ATF6: variants seen among roughly 807,000 people sequenced by gnomAD.
ATF6 encodes the protein cyclic AMP-dependent transcription factor ATF-6 alpha.
ATF6 carries 53 observed loss-of-function variants against 83.6 expected under a neutral mutation model. The observed-to-expected ratio is 0.63, with a 90% CI of 0.51 to 0.80. The LOEUF is 0.80. ATF6 is among the 30% of genes least tolerant of loss of function. The pLI, the probability that ATF6 is intolerant of heterozygous loss-of-function variation, is 0.00. For synonymous variants in ATF6, 288 were observed against 285.8 expected, an observed-to-expected ratio of 1.01 and a Z score of -0.08; for missense variants, 744 against 797.9, an observed-to-expected ratio of 0.93 and a Z score of 0.81.
intron 15 of ATF6, among the ~76,000 whole-genome samples, chr1:161,957,551 T>G (rs1274964908): frequency 6.6e-6 from 1 of 152,168 alleles, no homozygotes; most frequent in Non-Finnish European, 1.5e-5. Flanking sequence ...AGGGAGTAAT[T>G]TGGTCCTCTC....
chr1:161,850,799 A>G (rs1158096242), intron 10 of ATF6, among the ~76,000 whole-genome samples: 1 of 152,190 alleles, frequency 6.6e-6, no homozygotes, highest in African/African-American at 2.4e-5. Flanking sequence ...ATCATCCTAT[A>G]TAAAGAAATT....
rs150862046 is a variant in ATF6 at position 161,938,272 on chromosome 1, C to T, written c.1805-20174C>T. 5.6e-4 allele frequency among the ~76,000 whole-genome samples: 85 copies of T among 152,272 alleles called. 1 individual carries two copies. In the East Asian group the frequency reaches 0.016, roughly 28 times the overall value. Reference sequence around the variant, plus strand: ...TGCTACTAATAGAAATTATAGGGCTCTTTTGGCTAGTGTCAAGTATAGATT... The same window carrying T: ...TGCTACTAATAGAAATTATAGGGCTTTTTTGGCTAGTGTCAAGTATAGATT... On this transcript the variant is annotated intron_variant, in intron 15 of 15. Transcript: ENST00000367942.
intron 9 of ATF6, among the ~76,000 whole-genome samples, chr1:161,845,956 A>T (rs923848997): frequency 2.6e-5 from 4 of 151,670 alleles, no homozygotes; most frequent in Admixed American, 6.6e-5. Flanking sequence ...TATTTAAAAA[A>T]TTTTTTTTTC....
chr1:161,942,250 T>C (rs546020461), intron 15 of ATF6, among the ~76,000 whole-genome samples: 3 of 152,278 alleles, frequency 2.0e-5, no homozygotes, highest in Non-Finnish European at 4.4e-5. Context: ...CCCCCATCCA[T>C]TGGGGAGATG....
intron 12 of ATF6, among the ~76,000 whole-genome samples, chr1:161,857,960 C>T (rs1416493863): frequency 1.3e-5 from 2 of 152,108 alleles, no homozygotes; most frequent in Admixed American, 1.3e-4. Flanking sequence ...ACAGCTAGAG[C>T]CAGGCACGGT....
At chr1:161,790,026 A>G (rs1684841244) in intron 4 of ATF6, among the ~76,000 whole-genome samples, 1 of 152,298 alleles carries the variant, frequency 6.6e-6, no homozygotes, top group South Asian at 2.1e-4. Context: ...TATGATAAAA[A>G]AAGTTTAAAT....
intron 15 of ATF6, among the ~76,000 whole-genome samples, chr1:161,946,014 C>G (rs1044670451): frequency 3.3e-5 from 5 of 152,106 alleles, no homozygotes; most frequent in African/African-American, 7.2e-5. Context: ...GTTTTGTTTT[C>G]TTTTGTTTTG....
Position 161,851,753 on chromosome 1 carries a change from C to T in ATF6, c.1351C>T (p.Leu451=). 1 of 1,613,824 alleles carries T rather than the reference C, an allele frequency of 6.2e-7. No individual in the cohort carries two copies. Among genetic ancestry groups the T allele is most frequent in the South Asian group, 1.1e-5 (1 of 91,052 alleles). The change falls in exon 11 of 16, where the codon CTG becomes TTG. Residue 451 remains leucine (L), a synonymous_variant. Transcript: ENST00000367942. The part of the protein sequence containing the change: ...YDHSVSNDKA[L]MVLTEEPLLY... ...TCATTCTGTTTCAAATGACAAAGCCCTGATGGTGCTAACTGAAGAACCATT... is the reference window on the plus strand; with the variant it reads ...TCATTCTGTTTCAAATGACAAAGCCTTGATGGTGCTAACTGAAGAACCATT...
intron 1 of ATF6, among the ~76,000 whole-genome samples, chr1:161,772,453 T>G (rs1684409562): frequency 6.6e-6 from 1 of 152,150 alleles, no homozygotes; most frequent in Non-Finnish European, 1.5e-5. Flanking sequence ...CCAACATCTC[T>G]CCCATCCTTT....
intron 14 of ATF6, among the ~76,000 whole-genome samples, chr1:161,908,817 C>T (rs967973224): frequency 3.9e-5 from 6 of 151,984 alleles, no homozygotes; most frequent in Non-Finnish European, 7.4e-5. Flanking sequence ...TTATTTTAAA[C>T]AATTTAATTG....
chr1:161,945,139 AT>A (rs1558035778), intron 15 of ATF6, among the ~76,000 whole-genome samples: 1 of 152,204 alleles, frequency 6.6e-6, no homozygotes, highest in Non-Finnish European at 1.5e-5. Flanking sequence ...TCTCATTTCT[AT>A]TATATGCTGC....
intron 15 of ATF6, among the ~76,000 whole-genome samples, chr1:161,936,648 G>C (rs1187524682): frequency 1.3e-5 from 2 of 152,132 alleles, no homozygotes; most frequent in African/African-American, 4.8e-5. Context: ...AACTATGACA[G>C]TAAGTCACTT....
At chr1:161,820,024 G>A (rs1571159892) in intron 8 of ATF6, among the ~76,000 whole-genome samples, 1 of 152,168 alleles carries the variant, frequency 6.6e-6, no homozygotes, top group Admixed American at 6.5e-5. Flanking sequence ...ACATAGAAAA[G>A]TTGTCTCCTT....
Position 161,766,322 on chromosome 1 carries a change from A to C in ATF6, c.-39A>C, listed in dbSNP as rs977274638. On this transcript the variant is annotated 5_prime_UTR_variant, in exon 1 of 16. Transcript: ENST00000367942. The stretch of plus-strand genomic sequence containing the variant: ...TGTCCGCCTGCCGCCGCCGTCCCAG[A>C]TATTAATCACGGAGTTCCAGGGAGA... 8 of 1,596,156 alleles carry C rather than the reference A, an allele frequency of 5.0e-6. No individual in the cohort carries two copies. Among genetic ancestry groups the C allele is most frequent in the African/African-American group, 1.3e-5 (1 of 74,478 alleles).
At chr1:161,843,059 C>T (rs912472783) in intron 9 of ATF6, among the ~76,000 whole-genome samples, 1 of 152,194 alleles carries the variant, frequency 6.6e-6, no homozygotes, top group African/African-American at 2.4e-5. Flanking sequence ...ATCCTGGTAG[C>T]TCGGCGCACA....
chr1:161,921,711 G>T, intron 15 of ATF6, among the ~76,000 whole-genome samples: 1 of 152,180 alleles, frequency 6.6e-6, no homozygotes, highest in South Asian at 2.1e-4. Flanking sequence ...TGTATCTCTT[G>T]TAACAGATTG....
At chr1:161,813,551 C>CTAAATAT (rs577880261) in intron 7 of ATF6, among the ~76,000 whole-genome samples, 265 of 152,292 alleles carry the variant, frequency 1.7e-3, no homozygotes, top group African/African-American at 6.1e-3. Context: ...ACAACTCTTA[C>CTAAATAT]TAAATATAAT....
chr1:161,951,233 GC>G (rs1195111022), intron 15 of ATF6, among the ~76,000 whole-genome samples: 3 of 152,222 alleles, frequency 2.0e-5, no homozygotes, highest in Non-Finnish European at 4.4e-5. Context: ...CAACAGATAA[GC>G]TTGAGGTTGA....
intron 14 of ATF6, among the ~76,000 whole-genome samples, chr1:161,908,541 A>G (rs755444878): frequency 9.2e-4 from 47 of 51,274 alleles, no homozygotes; most frequent in Non-Finnish European, 1.4e-3. Context: ...CCTCCCCTCC[A>G]TGTTTCTCTA....
Sources: gnomAD v4.1 joint callset for allele counts (sites outside exome capture counted in the v4.1 genomes callset) on GRCh38, gnomAD v4.1.1 for gene constraint, MANE v1.5 for transcripts, NCBI Gene and HGNC (gene_info 2026-07-23, HGNC 2026-07-21) for gene names.